Variants in RALGAPA2 observed in about 807,000 individuals in gnomAD.
RALGAPA2 encodes the protein ral GTPase-activating protein subunit alpha-2.
A neutral mutation model predicts 230.4 loss-of-function variants in RALGAPA2; 139 were observed. The ratio of observed to expected loss-of-function variants is 0.60; its 90% CI spans 0.53 to 0.69. The LOEUF is 0.69. RALGAPA2 is among the 30% of genes least tolerant of loss of function. The pLI, the probability that RALGAPA2 is intolerant of heterozygous loss-of-function variation, is 0.00. For missense variants in RALGAPA2, 2,163 were observed against 2,276.0 expected (o/e 0.95, Z 1.01); for synonymous variants, 847 against 837.8 (o/e 1.01, Z -0.19).
chr20:20,443,431 A>T (rs1399004795), intron 37 of RALGAPA2, among the ~76,000 whole-genome samples: 1 of 152,226 alleles, frequency 6.6e-6, no homozygotes, highest in African/African-American at 2.4e-5. Flanking sequence ...CGATGTCTCC[A>T]GGTGCCTCTT....
At chr20:20,442,101 G>A (rs1383654638) in intron 37 of RALGAPA2, among the ~76,000 whole-genome samples, 3 of 152,254 alleles carry the variant, frequency 2.0e-5, no homozygotes, top group African/African-American at 7.2e-5. Flanking sequence ...CTAAGAGAGT[G>A]AGCACCAAGC....
Position 20,591,110 on chromosome 20 carries a change from T to C in RALGAPA2, c.2341+67A>G, listed in dbSNP as rs1389731100. 4.5e-6 allele frequency: 7 copies of C among 1,543,548 alleles called. No homozygotes were observed. The East Asian group carries it at 1.4e-4, about 30-fold the overall frequency. ...TCAGAATATATGTACAAAGCAATAC[T>C]ATATGCAGCTTTTATTCCTCTGCCA... On this transcript the variant is annotated intron_variant, in intron 17 of 39. Coordinates refer to ENST00000202677, the MANE Select transcript of RALGAPA2 (RefSeq NM_020343.4).
At chr20:20,490,575 T>C (rs1197212157) in intron 36 of RALGAPA2, among the ~76,000 whole-genome samples, 1 of 152,204 alleles carries the variant, frequency 6.6e-6, no homozygotes, top group Non-Finnish European at 1.5e-5. Context: ...TGGCTGTGAT[T>C]GGGATAAATA....
intron 15 of RALGAPA2, among the ~76,000 whole-genome samples, chr20:20,602,181 G>A (rs2065674558): frequency 6.6e-6 from 1 of 152,060 alleles, no homozygotes; most frequent in African/African-American, 2.4e-5. Context: ...ACTGTTCCCA[G>A]GACACTCCAA....
At chr20:20,555,196 T>C (rs779175699) in intron 23 of RALGAPA2, among the ~76,000 whole-genome samples, 2 of 152,218 alleles carry the variant, frequency 1.3e-5, no homozygotes, top group Admixed American at 6.5e-5. Flanking sequence ...TCCGACTGAA[T>C]TGTCTTTGCA....
At chr20:20,535,554 AT>A (rs1378426968) in intron 26 of RALGAPA2, among the ~76,000 whole-genome samples, 190 bp downstream of exon 26, 6 of 152,134 alleles carry the variant, frequency 3.9e-5, no homozygotes, top group African/African-American at 1.4e-4. Flanking sequence ...GCACTTTACA[AT>A]TTTTACTTAA....
chr20:20,491,236 A>G (rs1783512302), intron 36 of RALGAPA2, among the ~76,000 whole-genome samples: 2 of 152,112 alleles, frequency 1.3e-5, no homozygotes, highest in South Asian at 2.1e-4. Flanking sequence ...CTGAATCACT[A>G]TCATTTTTTT....
chr20:20,667,346 A>G (rs1455114555), intron 3 of RALGAPA2, among the ~76,000 whole-genome samples: 2 of 152,196 alleles, frequency 1.3e-5, no homozygotes, highest in Non-Finnish European at 2.9e-5. Flanking sequence ...AAAGTAAGAC[A>G]TAGATTCCAC....
At chr20:20,645,130 T>A (rs1274562356) in intron 4 of RALGAPA2, among the ~76,000 whole-genome samples, 2 of 145,466 alleles carry the variant, frequency 1.4e-5, no homozygotes, top group African/African-American at 2.5e-5. Flanking sequence ...TTTTTTTTTT[T>A]TTGAGACAGA....
At chr20:20,654,938 T>C (rs1221445849) in intron 3 of RALGAPA2, among the ~76,000 whole-genome samples, 1 of 152,244 alleles carries the variant, frequency 6.6e-6, no homozygotes, top group Non-Finnish European at 1.5e-5. Flanking sequence ...ATAGTAATTC[T>C]AACAGGTGTG....
intron 18 of RALGAPA2, among the ~76,000 whole-genome samples, chr20:20,585,714 A>C (rs2065114819): frequency 6.6e-6 from 1 of 152,158 alleles, no homozygotes; most frequent in South Asian, 2.1e-4. Flanking sequence ...GTAATCAGCA[A>C]GTTCTATGTA....
At chr20:20,677,944 C>T (rs2068393478) in intron 2 of RALGAPA2, among the ~76,000 whole-genome samples, 1 of 152,172 alleles carries the variant, frequency 6.6e-6, no homozygotes, top group East Asian at 1.9e-4. Flanking sequence ...CCGCGCCTGA[C>T]TCATATTTTT....
In RALGAPA2 at chr20:20,640,790, C is replaced by A; in HGVS notation, c.461G>T (p.Cys154Phe). 1.9e-6 allele frequency: 3 copies of A among 1,613,868 alleles called. No homozygotes were observed. Among genetic ancestry groups the A allele is most frequent in the Non-Finnish European group, 2.5e-6 (3 of 1,179,804 alleles). ...CAEEQVLIFA[C>F]LVPGFPAVMS... ...GACTGCTGGGAAACCAGGCACCAGG[C>A]AAGCAAAAATCAGAACCTGCTCTTC... Residue 154 changes from cysteine (C) to phenylalanine (F), a missense_variant, in exon 6 of 40, where the codon TGC becomes TTC. Coordinates refer to ENST00000202677, the MANE Select transcript of RALGAPA2 (RefSeq NM_020343.4).
rs762052198 is a variant in RALGAPA2 at position 20,436,878 on chromosome 20, C to G, written c.5496-24730G>C. ...ACTCATGTGCCATGCCTGATCTAAT[C>G]CCTGCCACGGGCGGGCGGCCAGGGC... On this transcript the variant is annotated intron_variant, in intron 37 of 39. Coordinates refer to ENST00000202677, the MANE Select transcript of RALGAPA2 (RefSeq NM_020343.4). Among the ~76,000 whole-genome samples, 168 of 152,320 alleles carry G rather than the reference C, an allele frequency of 1.1e-3. 1 individual carries two copies. Among genetic ancestry groups the G allele is most frequent in the Non-Finnish European group, 1.8e-3 (124 of 68,038 alleles).
At chr20:20,479,601 A>G (rs2061728334) in intron 36 of RALGAPA2, among the ~76,000 whole-genome samples, 1 of 152,238 alleles carries the variant, frequency 6.6e-6, no homozygotes. Flanking sequence ...AAAAATTCTT[A>G]GCAATCCTGG....
intron 10 of RALGAPA2, among the ~76,000 whole-genome samples, chr20:20,621,932 G>T (rs528566896): frequency 2.6e-5 from 4 of 152,292 alleles, no homozygotes; most frequent in African/African-American, 9.6e-5. Flanking sequence ...TCAAGTTGCT[G>T]GCACTTGTTT....
intron 2 of RALGAPA2, among the ~76,000 whole-genome samples, chr20:20,676,964 A>G (rs968175020): frequency 6.6e-6 from 1 of 151,976 alleles, no homozygotes; most frequent in Admixed American, 6.6e-5. Context: ...TGGCTTGTCC[A>G]ATAAAACGTT....
chr20:20,495,237 C>A lies in RALGAPA2; in HGVS notation c.5247G>T (p.Trp1749Cys). ...TGCGGTAGTCTCTGGAGTGTTCAGA[C>A]CAGACGATATGGACCTCGTCATTCC... is the stretch of plus-strand genomic sequence containing the variant. ...HLGNDEVHIV[W>C]SEHSRDYRRG... Residue 1749 changes from tryptophan (W) to cysteine (C), a missense_variant, in exon 36 of 40, where the codon TGG (tryptophan) becomes TGT (cysteine). Transcript: ENST00000202677. 1.9e-6 allele frequency: 3 copies of A among 1,578,496 alleles called. No homozygotes were observed. Among genetic ancestry groups the A allele is most frequent in the Non-Finnish European group, 2.6e-6 (3 of 1,155,764 alleles).
At chr20:20,529,117 G>A (rs1184757204) in intron 27 of RALGAPA2, among the ~76,000 whole-genome samples, 1 of 152,152 alleles carries the variant, frequency 6.6e-6, no homozygotes, top group Non-Finnish European at 1.5e-5. Context: ...TGGGGAGGGA[G>A]GTGTCCTCAG....
Sources: allele counts gnomAD v4.1 joint callset (sites outside exome capture counted in the v4.1 genomes callset), GRCh38; gene constraint gnomAD v4.1.1; transcripts MANE v1.5; gene names NCBI Gene and HGNC (gene_info 2026-07-23, HGNC 2026-07-21).